Variants in CNBD1 observed in about 807,000 individuals in gnomAD.
The protein encoded by CNBD1 is cyclic nucleotide binding domain containing 1.
A neutral mutation model predicts 54.4 loss-of-function variants in CNBD1; 71 were observed. That is an observed-to-expected ratio of 1.30 (90% CI 1.08 to 1.59). The LOEUF (loss-of-function observed/expected upper bound fraction) is 1.59, where lower values mean the gene tolerates loss of function less well. Among genes scored for constraint, CNBD1 ranks in the 40% most tolerant of loss-of-function variants. The probability of loss-of-function intolerance (pLI) is 0.00; values close to 1 mark genes in which losing one functional copy is unlikely to be tolerated. For missense variants in CNBD1, 659 were observed against 518.0 expected, an observed-to-expected ratio of 1.27 and a Z score of -2.64; for synonymous variants, 182 against 170.7, an observed-to-expected ratio of 1.07 and a Z score of -0.51.
chr8:87,220,878 A>G (rs1422179982), intron 5 of CNBD1, among the ~76,000 whole-genome samples: 2 of 152,052 alleles, frequency 1.3e-5, no homozygotes, highest in Non-Finnish European at 2.9e-5. Context: ...ATAGTTGTCT[A>G]CAAATGATCA....
At position 87,278,318 on chromosome 8, in the gene CNBD1, A is replaced by G. The variant is rs550741069; in HGVS notation, c.772-6360A>G. On this transcript the variant is annotated intron_variant, in intron 6 of 10. Transcript: ENST00000518476. Reference sequence around the variant, plus strand: ...GAAATTTTTTTCTGACTGTGGAAAGACATCTAATAACAGATTTAAGTTGCT... The same window carrying G: ...GAAATTTTTTTCTGACTGTGGAAAGGCATCTAATAACAGATTTAAGTTGCT... Among the ~76,000 whole-genome samples, 19 of 151,686 alleles carry G rather than the reference A, an allele frequency of 1.3e-4. No individual in the cohort carries two copies. The South Asian group carries it at 3.3e-3, about 26-fold the overall frequency.
chr8:87,170,261 C>G (rs180834577), intron 4 of CNBD1, among the ~76,000 whole-genome samples: 4 of 152,114 alleles, frequency 2.6e-5, no homozygotes, highest in Admixed American at 1.3e-4. Context: ...GATTTTATAA[C>G]CTGCAACTTT....
intron 4 of CNBD1, among the ~76,000 whole-genome samples, chr8:87,099,034 C>CAAAAAAAAAAA (rs11402011): frequency 1.3e-3 from 31 of 23,060 alleles, no homozygotes; most frequent in African/African-American, 4.3e-3. Context: ...GACTGTGTCT[C>CAAAAAAAAAAA]AAAAAAAAAA....
chr8:87,030,010 A>G (rs778108924), intron 4 of CNBD1, among the ~76,000 whole-genome samples: 17 of 152,220 alleles, frequency 1.1e-4, no homozygotes, highest in Non-Finnish European at 1.9e-4. Flanking sequence ...ATGCTTTTTA[A>G]AAGTGAATTC....
intron 4 of CNBD1, among the ~76,000 whole-genome samples, chr8:87,031,708 C>G (rs760470854): frequency 1.8e-4 from 27 of 152,206 alleles, no homozygotes; most frequent in Admixed American, 7.2e-4. Flanking sequence ...GTATTGACAT[C>G]CAATTAGTCA....
At chr8:87,341,104 A>G (rs1046891340) in intron 8 of CNBD1, among the ~76,000 whole-genome samples, 2 of 152,098 alleles carry the variant, frequency 1.3e-5, no homozygotes, top group East Asian at 1.9e-4. Context: ...CTTTAGATGT[A>G]TCTTCTTGGA....
chr8:87,332,527 T>A (rs1416501395), intron 8 of CNBD1, among the ~76,000 whole-genome samples: 3 of 152,150 alleles, frequency 2.0e-5, no homozygotes, highest in Non-Finnish European at 4.4e-5. Context: ...TACATTTAAG[T>A]CTTTAATCCA....
At chr8:86,978,522 A>G (rs968210572) in intron 4 of CNBD1, among the ~76,000 whole-genome samples, 2 of 144,032 alleles carry the variant, frequency 1.4e-5, no homozygotes, top group African/African-American at 5.1e-5. Context: ...TTTGTAAAGG[A>G]CATGCTTTTA....
intron 8 of CNBD1, among the ~76,000 whole-genome samples, chr8:87,316,488 T>A (rs1809390997): frequency 6.6e-6 from 1 of 152,044 alleles, no homozygotes; most frequent in African/African-American, 2.4e-5. Context: ...GTTTCAGGAC[T>A]GATTTAACCA....
At chr8:86,872,021 G>A (rs914859171) in intron 1 of CNBD1, among the ~76,000 whole-genome samples, 1 of 152,140 alleles carries the variant, frequency 6.6e-6, no homozygotes, top group Non-Finnish European at 1.5e-5. Context: ...TCAGGTATTC[G>A]TACATCATCT....
intron 4 of CNBD1, among the ~76,000 whole-genome samples, chr8:87,142,930 A>G (rs1230276792): frequency 6.6e-6 from 1 of 152,168 alleles, no homozygotes; most frequent in Non-Finnish European, 1.5e-5. Flanking sequence ...GGTAGCAGAC[A>G]TAATTCTAGA....
intron 1 of CNBD1, among the ~76,000 whole-genome samples, chr8:86,874,390 T>G (rs1470220115): frequency 6.6e-6 from 1 of 152,208 alleles, no homozygotes; most frequent in Non-Finnish European, 1.5e-5. Context: ...CAGGAGTTAT[T>G]TCATGTTCTC....
Position 87,190,326 on chromosome 8 carries a change from C to T in CNBD1, c.432-15667C>T, listed in dbSNP as rs139147241. On this transcript the variant is annotated intron_variant, in intron 4 of 10. Transcript: ENST00000518476. ...ATACATTTTCTAGGGACATATATAT[C>T]CAAACGTAGGAGACTCCCAGTTGTT... is the stretch of plus-strand genomic sequence containing the variant. Among the ~76,000 whole-genome samples the T allele has an allele frequency of 7.2e-5, 11 of 152,200 alleles. No individual in the cohort carries two copies. The East Asian group carries it at 2.1e-3, about 29-fold the overall frequency.
chr8:87,400,549 A>G (rs1807541668), intron 2 of CNBD1, among the ~76,000 whole-genome samples: 1 of 152,030 alleles, frequency 6.6e-6, no homozygotes, highest in Admixed American at 6.6e-5. Context: ...AAATTTTTCA[A>G]GATAGACCCA....
At chr8:87,152,317 T>G (rs1812621206) in intron 4 of CNBD1, among the ~76,000 whole-genome samples, 1 of 152,148 alleles carries the variant, frequency 6.6e-6, no homozygotes. Context: ...AACCAATATT[T>G]CATTTAACTC....
At chr8:87,229,199 T>C (rs2130818408) in intron 5 of CNBD1, among the ~76,000 whole-genome samples, 1 of 152,254 alleles carries the variant, frequency 6.6e-6, no homozygotes. Context: ...AATGCAGAAA[T>C]CACCCGTCTT....
intron 2 of CNBD1, among the ~76,000 whole-genome samples, chr8:87,407,021 T>G (rs965167533): frequency 1.3e-5 from 2 of 152,118 alleles, no homozygotes; most frequent in Admixed American, 6.6e-5. Flanking sequence ...TTTTTTTACC[T>G]GAAGGCTATC....
At position 87,403,779 on chromosome 8, in the gene CNBD1, A is replaced by G. The variant is rs1309693187; in HGVS notation, c.214-24767A>G. 2.0e-5 allele frequency among the ~76,000 whole-genome samples: 3 copies of G among 151,874 alleles called. No individual in the cohort carries two copies. In the East Asian group the frequency reaches 5.8e-4, roughly 30 times the overall value. On this transcript the variant is annotated intron_variant, in intron 2 of 7. Transcript: ENST00000521593. ...TAAACAACTTGACCAAAATTTCAAG[A>G]TGTGTTTTTTATATGCTTCAACACA...
chr8:87,252,573 G>C (rs566857610), intron 6 of CNBD1, among the ~76,000 whole-genome samples: 1 of 152,088 alleles, frequency 6.6e-6, no homozygotes, highest in Non-Finnish European at 1.5e-5. Context: ...GTAAACTGAC[G>C]GCTCTGCTGA....
Sources: allele counts gnomAD v4.1 joint callset (sites outside exome capture counted in the v4.1 genomes callset), GRCh38; gene constraint gnomAD v4.1.1; transcripts MANE v1.5; gene names NCBI Gene and HGNC (gene_info 2026-07-23, HGNC 2026-07-21).